Variants in AFAP1 observed in about 807,000 individuals in gnomAD.
AFAP1 encodes the protein actin filament associated protein 1, also known as actin filament-associated protein 1.
A neutral mutation model predicts 93.9 loss-of-function variants in AFAP1; 75 were observed. That is an observed-to-expected ratio of 0.80 (90% CI 0.66 to 0.97). The LOEUF is 0.97. Among genes scored for constraint, AFAP1 ranks in the 50% least tolerant of loss-of-function variants. AFAP1 has a pLI of 0.00. For synonymous variants in AFAP1, 517 were observed against 430.7 expected, an observed-to-expected ratio of 1.20 and a Z score of -2.48; for missense variants, 1,201 against 1,050.8, an observed-to-expected ratio of 1.14 and a Z score of -1.98.
intron 1 of AFAP1, among the ~76,000 whole-genome samples, chr4:7,896,744 A>C (rs1213681473): frequency 5.5e-5 from 2 of 36,658 alleles, no homozygotes; most frequent in Non-Finnish European, 9.8e-5. Context: ...TCACTTCCCC[A>C]CACCCAATGC....
chr4:7,900,847 C>T (rs1229307500), intron 1 of AFAP1, among the ~76,000 whole-genome samples: 1 of 152,148 alleles, frequency 6.6e-6, no homozygotes, highest in Admixed American at 6.5e-5. Flanking sequence ...AGAGGAAGCA[C>T]GACTAATCAT....
Position 7,761,751 on chromosome 4 carries a change from A to C in AFAP1, c.*2014T>G, listed in dbSNP as rs1713833290. On this transcript the variant is annotated 3_prime_UTR_variant, in exon 18 of 18. Transcript: ENST00000420658. ...GGAGCAAACTTTTTTCCCTTTATAG[A>C]AAATTCATTTTGTGTGATATGAAGT... 6.6e-6 allele frequency: 1 copy of C among 152,236 alleles called. No homozygotes were observed. Among genetic ancestry groups the C allele is most frequent in the African/African-American group, 2.4e-5 (1 of 41,452 alleles). The allele number at this position is 152,236 out of a possible 1,614,324, so 9.4% of individuals were successfully genotyped here. A position where few individuals can be genotyped will look rare whatever the true frequency, so the allele number is the denominator to read the frequency against.
intron 6 of AFAP1, among the ~76,000 whole-genome samples, chr4:7,827,567 T>G (rs1253586865): frequency 8.4e-5 from 1 of 11,884 alleles, no homozygotes; most frequent in South Asian, 1.6e-3. Context: ...AAACTCTGTC[T>G]CCAAAAAAAA....
intron 1 of AFAP1, among the ~76,000 whole-genome samples, chr4:7,880,532 C>A (rs1455044763): frequency 6.6e-6 from 1 of 152,206 alleles, no homozygotes; most frequent in Non-Finnish European, 1.5e-5. Flanking sequence ...CCCACCTAGG[C>A]CTCCCAAAGT....
chr4:7,793,708 A>T lies in AFAP1; in HGVS notation c.1385T>A (p.Val462Asp). Reference protein sequence around the residue: ...DYIDVEMSASVIQTAKQTFCF... With the variant: ...DYIDVEMSASDIQTAKQTFCF... ...GAAGGTCTGTTTGGCTGTCTGAATGACACTTGCAGACATCTCCACATCAAT... is the reference window on the plus strand; with the variant it reads ...GAAGGTCTGTTTGGCTGTCTGAATGTCACTTGCAGACATCTCCACATCAAT... The change falls in exon 11 of 18, where the codon GTC becomes GAC. Residue 462 changes from valine to aspartate, a missense_variant. Val to Asp is a radical substitution (Grantham distance 152, BLOSUM62 -3). Coordinates refer to ENST00000420658, the MANE Select transcript of AFAP1 (RefSeq NM_001134647.2). 6.4e-7 allele frequency: 1 copy of T among 1,557,704 alleles called. No homozygotes were observed. The highest frequency in any genetic ancestry group is 2.3e-5 in the East Asian group (1 of 43,880).
intron 1 of AFAP1, 89 bp from the exon 2 acceptor site, chr4:7,872,169 G>A (rs1717113932): frequency 6.6e-7 from 1 of 1,509,918 alleles, no homozygotes; most frequent in African/African-American, 1.4e-5. Flanking sequence ...AGCATTTCAT[G>A]TTTAGCTTGA....
At chr4:7,768,197 T>TCGCA (rs1178963252) in intron 17 of AFAP1, among the ~76,000 whole-genome samples, 2 of 152,264 alleles carry the variant, frequency 1.3e-5, no homozygotes, top group Non-Finnish European at 2.9e-5. Flanking sequence ...GCTCACACCA[T>TCGCA]CGCACTCCGT....
At chr4:7,878,459 C>T (rs1717649820) in intron 1 of AFAP1, among the ~76,000 whole-genome samples, 1 of 152,240 alleles carries the variant, frequency 6.6e-6, no homozygotes, top group Non-Finnish European at 1.5e-5. Flanking sequence ...CTGCCCGACA[C>T]AGGCTCTATC....
At chr4:7,789,332 G>A (rs750859559) in intron 11 of AFAP1, among the ~76,000 whole-genome samples, 26 of 152,304 alleles carry the variant, frequency 1.7e-4, no homozygotes, top group Admixed American at 7.8e-4. Context: ...AACCTCCCGG[G>A]ACTCCGAGGA....
At chr4:7,882,882 A>G (rs1296508192) in intron 1 of AFAP1, among the ~76,000 whole-genome samples, 2 of 151,798 alleles carry the variant, frequency 1.3e-5, no homozygotes, top group Non-Finnish European at 2.9e-5. Flanking sequence ...AGGTGATTCA[A>G]TATTAGAAAA....
intron 10 of AFAP1, chr4:7,798,770 G>T: frequency 2.2e-6 from 1 of 457,290 alleles, no homozygotes; most frequent in Non-Finnish European, 2.9e-6. Context: ...CAGCTACTGT[G>T]CCCCCAGCAA....
intron 9 of AFAP1, among the ~76,000 whole-genome samples, chr4:7,807,850 C>T (rs941084558): frequency 2.6e-5 from 4 of 152,216 alleles, no homozygotes; most frequent in Non-Finnish European, 4.4e-5. Flanking sequence ...GCTGGGTCCT[C>T]GCATCTGCCC....
At chr4:7,889,822 T>C (rs548473952) in intron 1 of AFAP1, among the ~76,000 whole-genome samples, 52 of 150,618 alleles carry the variant, frequency 3.5e-4, no homozygotes, top group African/African-American at 1.0e-3. Flanking sequence ...GTAAACAATC[T>C]ATAAACTGAC....
At chr4:7,913,388 CAAAAAA>C (rs763367846) in intron 1 of AFAP1, among the ~76,000 whole-genome samples, 1 of 62,064 alleles carries the variant, frequency 1.6e-5, no homozygotes, top group Admixed American at 1.7e-4. Flanking sequence ...ACCCTGTCTC[CAAAAAA>C]AAAAAAAAAA....
intron 3 of AFAP1, among the ~76,000 whole-genome samples, chr4:7,861,645 C>G (rs930826167): frequency 2.6e-5 from 4 of 152,216 alleles, no homozygotes; most frequent in Non-Finnish European, 5.9e-5. Context: ...CATCAGCAGG[C>G]AGGCATCCAG....
At chr4:7,767,910 A>C (rs1055021852) in intron 17 of AFAP1, among the ~76,000 whole-genome samples, 6 of 152,122 alleles carry the variant, frequency 3.9e-5, no homozygotes, top group African/African-American at 1.4e-4. Flanking sequence ...CCTCATCTCT[A>C]TAAAGAATAC....
chr4:7,871,973 G>A lies in AFAP1; in HGVS notation c.106C>T (p.Leu36=). The A allele has an allele frequency of 6.2e-7, 1 of 1,614,208 alleles. No homozygotes were observed. The highest frequency in any genetic ancestry group is 8.5e-7 in the Non-Finnish European group (1 of 1,180,036). ...TCACCTTTGGATGACTGTATTCTTA[G>A]CAGAATGTTGGTTATCACTGCCTTT... is the stretch of plus-strand genomic sequence containing the variant. ...EKKAVITNIL[L]RIQSSKGFDV... is the part of the protein sequence containing the mutation. The change falls in exon 2 of 18, where the codon CTA becomes TTA. Residue 36 remains leucine (L), a synonymous_variant. Coordinates refer to ENST00000420658, the MANE Select transcript of AFAP1 (RefSeq NM_001134647.2).
intron 12 of AFAP1, among the ~76,000 whole-genome samples, chr4:7,784,561 T>C (rs1303777547): frequency 5.3e-5 from 8 of 152,122 alleles, no homozygotes. Flanking sequence ...GATCAAGTGA[T>C]GAGAAGATCC....
At chr4:7,930,426 A>G (rs112167424) in intron 1 of AFAP1, among the ~76,000 whole-genome samples, 3,757 of 151,904 alleles carry the variant, frequency 0.025, 145 homozygotes, top group African/African-American at 0.084. Context: ...TCTCCAGCCC[A>G]TCTCGTCTCC....
Sources: gnomAD v4.1 joint callset for allele counts (sites outside exome capture counted in the v4.1 genomes callset) on GRCh38, gnomAD v4.1.1 for gene constraint, MANE v1.5 for transcripts, NCBI Gene and HGNC (gene_info 2026-07-23, HGNC 2026-07-21) for gene names.